Variants in SLC35D1 observed in about 807,000 individuals in gnomAD.
SLC35D1 encodes nucleotide sugar transporter SLC35D1.
In SLC35D1, 31 loss-of-function variants were observed where a neutral mutation model predicts 46.7. The ratio of observed to expected loss-of-function variants is 0.66; its 90% CI spans 0.50 to 0.90. SLC35D1 has a LOEUF of 0.90. Among genes scored for constraint, SLC35D1 ranks in the 40% least tolerant of loss-of-function variants. The pLI is 0.00. For synonymous variants in SLC35D1, 195 were observed against 164.6 expected (o/e 1.18, Z -1.41); for missense variants, 397 against 426.2 (o/e 0.93, Z 0.60).
chr1:66,975,518 A>T, the SLC35D1 span, among the ~76,000 whole-genome samples: 1 of 148,350 alleles, frequency 6.7e-6, no homozygotes, highest in African/African-American at 2.5e-5. Context: ...AGAGCATGAC[A>T]CTATCTCAAA....
At chr1:66,989,789 C>T in the SLC35D1 span, among the ~76,000 whole-genome samples, 1 of 152,134 alleles carries the variant, frequency 6.6e-6, no homozygotes, top group Non-Finnish European at 1.5e-5. Flanking sequence ...AGAAAACATA[C>T]GGGCCTTAAA....
intron 10 of SLC35D1, among the ~76,000 whole-genome samples, chr1:67,012,451 TA>T (rs1008848611): frequency 7.0e-6 from 1 of 141,966 alleles, no homozygotes; most frequent in Non-Finnish European, 1.5e-5. Context: ...AGGTTTTCCA[TA>T]AAGAGACTAT....
the SLC35D1 span, among the ~76,000 whole-genome samples, chr1:66,988,818 ATACTTGTACCAGG>A: frequency 3.3e-5 from 5 of 152,212 alleles, no homozygotes. Flanking sequence ...ATTTCGGCCT[ATACTTGTACCAGG>A]TACTATGCTT....
the SLC35D1 span, among the ~76,000 whole-genome samples, chr1:66,973,342 T>G: frequency 1.3e-5 from 2 of 152,102 alleles, no homozygotes; most frequent in Non-Finnish European, 2.9e-5. Flanking sequence ...TTTGGAAACT[T>G]TAAAGCACTT....
the SLC35D1 span, among the ~76,000 whole-genome samples, chr1:66,988,895 A>G: frequency 1.3e-4 from 20 of 152,226 alleles, no homozygotes; most frequent in Non-Finnish European, 1.5e-4. Flanking sequence ...AGAAGGCAGC[A>G]AAGTGTTAAT....
chr1:66,991,189 T>C, the SLC35D1 span, among the ~76,000 whole-genome samples: 1 of 152,218 alleles, frequency 6.6e-6, no homozygotes, highest in African/African-American at 2.4e-5. Context: ...GAGCTCCGAC[T>C]CTAGGATTTT....
chr1:67,010,048 G>C (rs1205988736), intron 10 of SLC35D1, among the ~76,000 whole-genome samples: 1 of 152,200 alleles, frequency 6.6e-6, no homozygotes, highest in Non-Finnish European at 1.5e-5. Flanking sequence ...CACGGATGCA[G>C]CAGGAGGCCA....
At chr1:67,024,915 T>A (rs1007926399) in intron 8 of SLC35D1, among the ~76,000 whole-genome samples, 2 of 152,148 alleles carry the variant, frequency 1.3e-5, no homozygotes, top group Admixed American at 1.3e-4. Flanking sequence ...GGCTAATATT[T>A]TTTAAGTTCT....
intron 8 of SLC35D1, among the ~76,000 whole-genome samples, chr1:67,024,441 A>G (rs148926220): frequency 2.6e-5 from 4 of 152,212 alleles, no homozygotes; most frequent in African/African-American, 9.6e-5. Context: ...AGGTCTATGA[A>G]CCTTTTAACA....
At position 67,002,123 on chromosome 1, in the gene SLC35D1, A is replaced by C. The variant is rs937656364; in HGVS notation, c.*2217T>G. 6 of 152,364 alleles carry C rather than the reference A, an allele frequency of 3.9e-5. No individual in the cohort carries two copies. Among genetic ancestry groups the C allele is most frequent in the Non-Finnish European group, 7.3e-5 (5 of 68,040 alleles). The allele number at this position is 152,364 out of a possible 1,614,324, so 9.4% of individuals were successfully genotyped here. A position where few individuals can be genotyped will look rare whatever the true frequency, so the allele number is the denominator to read the frequency against. On this transcript the variant is annotated 3_prime_UTR_variant, in exon 12 of 12. Coordinates refer to ENST00000235345, the MANE Select transcript of SLC35D1 (RefSeq NM_015139.3). Reference sequence around the variant, plus strand: ...CAAACGTCCCTCCTTCATGTTGCTGACAGAAAGAACAGAATCACTAAAAAT... The same window carrying C: ...CAAACGTCCCTCCTTCATGTTGCTGCCAGAAAGAACAGAATCACTAAAAAT...
intron 10 of SLC35D1, among the ~76,000 whole-genome samples, chr1:67,014,174 T>C: frequency 6.6e-6 from 1 of 152,206 alleles, no homozygotes; most frequent in African/African-American, 2.4e-5. Context: ...ATAAAATTAG[T>C]CCCCTTATAA....
At chr1:66,998,231 G>A (rs373375620), downstream of SLC35D1, among the ~76,000 whole-genome samples, 1 of 152,150 alleles carries the variant, frequency 6.6e-6, no homozygotes, top group African/African-American at 2.4e-5. Flanking sequence ...GCTCATGCCT[G>A]TAATTCCAAC....
chr1:66,998,263 T>C (rs1226651334), downstream of SLC35D1, among the ~76,000 whole-genome samples: 1 of 151,944 alleles, frequency 6.6e-6, no homozygotes, highest in Non-Finnish European at 1.5e-5. Context: ...CGGAGGCAGG[T>C]GGATCACCTG....
Position 67,004,206 on chromosome 1 carries a change from C to T in SLC35D1, c.*134G>A, listed in dbSNP as rs1558148108. 1.3e-6 allele frequency: 1 copy of T among 755,354 alleles called. No individual in the cohort carries two copies. Among genetic ancestry groups the T allele is most frequent in the Non-Finnish European group, 2.3e-6 (1 of 430,898 alleles). 46.8% of individuals were successfully genotyped at this position (755,354 alleles called of 1,614,324 possible). A position where few individuals can be genotyped will look rare whatever the true frequency, so the allele number is the denominator to read the frequency against. ...AAAATTTTAAAAGGCAGCAATCAAT[C>T]CTCAGATTGTACAAGTGCAAAGGAA... On this transcript the variant is annotated 3_prime_UTR_variant, in exon 12 of 12. Transcript: ENST00000235345.
downstream of SLC35D1, among the ~76,000 whole-genome samples, chr1:66,997,637 TATC>T (rs1667256739): frequency 6.9e-6 from 1 of 145,012 alleles, no homozygotes; most frequent in Non-Finnish European, 1.5e-5. Context: ...AGATACCCTA[TATC>T]TAAAGGGGTT....
chr1:67,030,225 T>C (rs1667990385), intron 8 of SLC35D1, among the ~76,000 whole-genome samples: 1 of 152,210 alleles, frequency 6.6e-6, no homozygotes, highest in African/African-American at 2.4e-5. Flanking sequence ...TTAAGGCTTC[T>C]TCCAGTTGTG....
At chr1:66,990,842 A>G in the SLC35D1 span, among the ~76,000 whole-genome samples, 3 of 152,142 alleles carry the variant, frequency 2.0e-5, no homozygotes, top group East Asian at 5.8e-4. Flanking sequence ...TTGCATGACT[A>G]TTTCCCCCTC....
At chr1:67,024,249 C>T (rs1354087974) in intron 8 of SLC35D1, among the ~76,000 whole-genome samples, 2 of 152,020 alleles carry the variant, frequency 1.3e-5, no homozygotes, top group African/African-American at 4.8e-5. Context: ...CCCAGCCTCA[C>T]CTTGCATTTT....
At chr1:66,987,146 T>G in the SLC35D1 span, 1 of 152,756 alleles carries the variant, frequency 6.5e-6, no homozygotes, top group African/African-American at 2.4e-5. Flanking sequence ...TCCACTATTA[T>G]GCGTAATGCT....
Sources: allele counts gnomAD v4.1 joint callset (sites outside exome capture counted in the v4.1 genomes callset), GRCh38; gene constraint gnomAD v4.1.1; transcripts MANE v1.5; gene names NCBI Gene and HGNC (gene_info 2026-07-23, HGNC 2026-07-21).